PRR16: variants seen among roughly 807,000 people sequenced by gnomAD.
PRR16 encodes proline rich 16.
Under a neutral mutation model 18.2 loss-of-function variants are expected in PRR16, and 6 were observed. The observed-to-expected ratio is 0.33, with a 90% CI of 0.18 to 0.65. The LOEUF is 0.65. PRR16 is among the 30% of genes least tolerant of loss of function. The pLI is 0.74. For missense variants in PRR16, 412 were observed against 376.6 expected (o/e 1.09, Z -0.78); for synonymous variants, 151 against 147.8 (o/e 1.02, Z -0.16).
chr5:120,754,958 A>G, the PRR16 span, among the ~76,000 whole-genome samples: 5 of 150,054 alleles, frequency 3.3e-5, no homozygotes. Context: ...CAAACCAGAG[A>G]GGAGAAAATG....
the PRR16 span, among the ~76,000 whole-genome samples, chr5:120,698,323 G>A: frequency 5.3e-5 from 8 of 151,920 alleles, no homozygotes; most frequent in Non-Finnish European, 1.0e-4. Flanking sequence ...AAAACTAAAT[G>A]GAATAAGAGA....
intron 1 of PRR16, among the ~76,000 whole-genome samples, chr5:120,626,744 A>G (rs1348848411): frequency 6.6e-6 from 1 of 152,134 alleles, no homozygotes; most frequent in Non-Finnish European, 1.5e-5. Context: ...TTTTAAACTT[A>G]TCTGTGGTTC....
At chr5:120,484,616 T>C (rs1749731324) in intron 1 of PRR16, among the ~76,000 whole-genome samples, 1 of 146,276 alleles carries the variant, frequency 6.8e-6, no homozygotes, top group South Asian at 2.1e-4. Flanking sequence ...ATTATACATA[T>C]ATTGTATATA....
chr5:120,700,586 GA>G, the PRR16 span, among the ~76,000 whole-genome samples: 1 of 151,962 alleles, frequency 6.6e-6, no homozygotes, highest in African/African-American at 2.4e-5. Flanking sequence ...GGCAGGTGGG[GA>G]TAACTAAAAA....
chr5:120,605,081 G>A (rs2112795875), intron 1 of PRR16, among the ~76,000 whole-genome samples: 1 of 152,252 alleles, frequency 6.6e-6, no homozygotes, highest in South Asian at 2.1e-4. Context: ...TTGCACGTCA[G>A]CCTGTCTAGC....
the PRR16 span, among the ~76,000 whole-genome samples, chr5:120,775,423 C>T: frequency 0.14 from 20,849 of 151,992 alleles, 2,014 homozygotes; most frequent in African/African-American, 0.27. Context: ...CCATTCTACA[C>T]CCTAAATAAT....
At chr5:120,541,924 CTT>C (rs928989598) in intron 1 of PRR16, among the ~76,000 whole-genome samples, 1 of 146,074 alleles carries the variant, frequency 6.8e-6, no homozygotes. Context: ...TTCCTTTCCT[CTT>C]TTTTTTTTTA....
At chr5:120,610,364 T>C (rs1226020851) in intron 1 of PRR16, among the ~76,000 whole-genome samples, 1 of 150,354 alleles carries the variant, frequency 6.7e-6, no homozygotes, top group Non-Finnish European at 1.5e-5. Flanking sequence ...TTTAATAAAG[T>C]GTATTTATTA....
intron 1 of PRR16, among the ~76,000 whole-genome samples, chr5:120,650,502 C>G (rs573256498): frequency 8.9e-4 from 130 of 146,678 alleles, no homozygotes; most frequent in Middle Eastern, 3.4e-3. Context: ...CAACAGGCCC[C>G]GGTGTGTGAT....
the PRR16 span, among the ~76,000 whole-genome samples, chr5:120,721,875 A>G: frequency 6.6e-6 from 1 of 152,044 alleles, no homozygotes. Context: ...AAATACTAAT[A>G]GTATTCTTTT....
At chr5:120,635,442 G>A (rs1353591819) in intron 1 of PRR16, among the ~76,000 whole-genome samples, 2 of 152,170 alleles carry the variant, frequency 1.3e-5, no homozygotes, top group South Asian at 4.1e-4. Flanking sequence ...TTTCAAACCA[G>A]GGATGCAGGG....
the PRR16 span, among the ~76,000 whole-genome samples, chr5:120,704,700 C>G: frequency 6.6e-6 from 1 of 152,114 alleles, no homozygotes; most frequent in African/African-American, 2.4e-5. Context: ...TTACAGTGCG[C>G]TCAGACATCA....
chr5:120,744,322 G>A, the PRR16 span, among the ~76,000 whole-genome samples: 2 of 152,296 alleles, frequency 1.3e-5, no homozygotes, highest in African/African-American at 2.4e-5. Flanking sequence ...CCTAGAAAAG[G>A]GACCCTTTAC....
chr5:120,665,353 A>G (rs1756332210), intron 1 of PRR16, among the ~76,000 whole-genome samples: 1 of 151,902 alleles, frequency 6.6e-6, no homozygotes, highest in Non-Finnish European at 1.5e-5. Flanking sequence ...GATTCTGGAT[A>G]TTAGCCCTTT....
In PRR16 at chr5:120,510,288, A is replaced by G. The variant is rs150347519; in HGVS notation, c.159+45643A>G. Reference sequence around the variant, plus strand: ...GAACACTTTGTGTTCTCAGAAAGCTATTTAAATACCAAATAATAACATTCA... The same window carrying G: ...GAACACTTTGTGTTCTCAGAAAGCTGTTTAAATACCAAATAATAACATTCA... On this transcript the variant is annotated intron_variant, in intron 1 of 1. Coordinates refer to ENST00000407149, the MANE Select transcript of PRR16 (RefSeq NM_001300783.2). Among the ~76,000 whole-genome samples the G allele has an allele frequency of 8.9e-4, 135 of 152,312 alleles. 2 individuals carry two copies. Among genetic ancestry groups the G allele is most frequent in the African/African-American group, 3.0e-3 (124 of 41,570 alleles).
At chr5:120,513,377 C>A (rs1168907014) in intron 1 of PRR16, among the ~76,000 whole-genome samples, 3 of 152,128 alleles carry the variant, frequency 2.0e-5, no homozygotes, top group African/African-American at 7.2e-5. Context: ...CTGATGAAGA[C>A]GGACTTCTCC....
intron 1 of PRR16, among the ~76,000 whole-genome samples, chr5:120,582,642 A>G (rs533853066): frequency 6.6e-6 from 1 of 152,310 alleles, no homozygotes; most frequent in Non-Finnish European, 1.5e-5. Context: ...GGAGGCTTTT[A>G]CCAAACAGGA....
At chr5:120,675,737 C>A (rs1451397415) in intron 1 of PRR16, among the ~76,000 whole-genome samples, 3 of 152,066 alleles carry the variant, frequency 2.0e-5, no homozygotes, top group Non-Finnish European at 2.9e-5. Flanking sequence ...TTACATATTA[C>A]CAGATGAATA....
In PRR16 at chr5:120,686,687, A is replaced by G; in HGVS notation, c.893A>G (p.Lys298Arg). The G allele has an allele frequency of 6.4e-7, 1 of 1,555,658 alleles. No homozygotes were observed. ...AAACCACAGAAGACGATCTTGAGGA[A>G]GTCAACCACTACAACCGTGTGATGT... ...APKPQKTILR[K>R]STTTTV The change falls in exon 2 of 2, where the codon AAG becomes AGG. Residue 298 changes from lysine to arginine, a missense_variant. Physicochemically the swap from Lys to Arg is conservative, Grantham distance 26. Coordinates refer to ENST00000407149, the MANE Select transcript of PRR16 (RefSeq NM_001300783.2).
Sources: allele counts gnomAD v4.1 joint callset (sites outside exome capture counted in the v4.1 genomes callset), GRCh38; gene constraint gnomAD v4.1.1; transcripts MANE v1.5; gene names NCBI Gene and HGNC (gene_info 2026-07-23, HGNC 2026-07-21).